The following MAN1C1 variants were observed in gnomAD, a reference collection of about 807,000 sequenced individuals.
MAN1C1 encodes the protein mannosidase alpha class 1C member 1.
A neutral mutation model predicts 71.5 loss-of-function variants in MAN1C1; 49 were observed. That is an observed-to-expected ratio of 0.69 (90% CI 0.54 to 0.87). The LOEUF is 0.87. MAN1C1 is among the 40% of genes least tolerant of loss of function. MAN1C1 has a pLI of 0.00. For synonymous variants in MAN1C1, 352 were observed against 343.7 expected (o/e 1.02, Z -0.27); for missense variants, 743 against 835.0 (o/e 0.89, Z 1.36).
intron 2 of MAN1C1, among the ~76,000 whole-genome samples, chr1:25,734,622 A>G (rs570276620): frequency 4.7e-4 from 71 of 152,246 alleles, no homozygotes; most frequent in African/African-American, 1.5e-3. Flanking sequence ...GGCTCCCAGC[A>G]CCTCACACCA....
intron 1 of MAN1C1, 125 bp downstream of exon 1, chr1:25,618,462 C>A: frequency 1.1e-6 from 1 of 908,842 alleles, no homozygotes; most frequent in Non-Finnish European, 1.6e-6. Flanking sequence ...TCTGGCCCTG[C>A]AGACTGCACT....
At chr1:25,662,746 A>C (rs1443995414) in intron 1 of MAN1C1, among the ~76,000 whole-genome samples, 1 of 152,192 alleles carries the variant, frequency 6.6e-6, no homozygotes, top group Non-Finnish European at 1.5e-5. Context: ...CCTGGCCAAC[A>C]CAGTAAGATC....
chr1:25,744,103 C>T (rs986698260), intron 2 of MAN1C1, among the ~76,000 whole-genome samples: 4 of 152,138 alleles, frequency 2.6e-5, no homozygotes, highest in East Asian at 1.9e-4. Context: ...GCCCTTCAAA[C>T]GTCTGGTTTG....
intron 1 of MAN1C1, chr1:25,644,683 C>T (rs952637232): frequency 6.6e-6 from 1 of 151,386 alleles, no homozygotes; most frequent in Non-Finnish European, 1.5e-5. Context: ...CAACACCCAG[C>T]TAATTGTTTT....
At chr1:25,670,256 G>A (rs1288927321) in intron 1 of MAN1C1, among the ~76,000 whole-genome samples, 1 of 152,226 alleles carries the variant, frequency 6.6e-6, no homozygotes, top group Admixed American at 6.5e-5. Flanking sequence ...ATTTCAAATA[G>A]TATCACCTCC....
intron 5 of MAN1C1, among the ~76,000 whole-genome samples, chr1:25,755,721 A>G (rs2124359582): frequency 6.6e-6 from 1 of 152,256 alleles, no homozygotes; most frequent in East Asian, 1.9e-4. Context: ...AGGTCTGTCT[A>G]CCTCCAAAGT....
At position 25,769,388 on chromosome 1, in the gene MAN1C1, C is replaced by CAT. The variant is rs890343265; in HGVS notation, c.1142-2267_1142-2266dup. ...ACACTCACCCCACACCCCATACATA[C>CAT]ATACACACACACACACACACAAGCT... On this transcript the variant is annotated intron_variant, in intron 7 of 11. Transcript: ENST00000374332. This position sits in a 1 kb window ranked among gnomAD's most constrained non-coding sequence, Gnocchi z 4.8. Among the ~76,000 whole-genome samples, 2 of 135,450 alleles carry CAT rather than the reference C, an allele frequency of 1.5e-5. No homozygotes were observed. Among genetic ancestry groups the CAT allele is most frequent in the African/African-American group, 6.3e-5 (2 of 31,586 alleles). 88.9% of individuals were successfully genotyped at this position (135,450 alleles called of 152,430 possible).
intron 1 of MAN1C1, among the ~76,000 whole-genome samples, chr1:25,623,602 T>A (rs1342919769): frequency 2.0e-5 from 3 of 152,218 alleles, no homozygotes; most frequent in African/African-American, 7.2e-5. Context: ...TCAGGCATAC[T>A]TTGCTCAAAG....
intron 4 of MAN1C1, among the ~76,000 whole-genome samples, chr1:25,752,145 G>T (rs961658499): frequency 6.6e-6 from 1 of 152,072 alleles, no homozygotes; most frequent in African/African-American, 2.4e-5. Context: ...TATAACCACA[G>T]CTGCACACGT....
At chr1:25,659,692 G>A (rs2045819469) in intron 1 of MAN1C1, among the ~76,000 whole-genome samples, 1 of 152,160 alleles carries the variant, frequency 6.6e-6, no homozygotes, top group South Asian at 2.1e-4. Context: ...AGCAAGGCTT[G>A]GTCTGCCTGT....
chr1:25,703,080 T>G (rs1045714461), intron 2 of MAN1C1, among the ~76,000 whole-genome samples: 1 of 152,188 alleles, frequency 6.6e-6, no homozygotes, highest in African/African-American at 2.4e-5. Context: ...GGGATCTGCA[T>G]TAAAAATAGC....
Position 25,769,840 on chromosome 1 carries a change from C to T in MAN1C1, c.1142-1817C>T, listed in dbSNP as rs2047523077. Among the ~76,000 whole-genome samples the T allele has an allele frequency of 6.6e-6, 1 of 152,220 alleles. No individual in the cohort carries two copies. Among genetic ancestry groups the T allele is most frequent in the Non-Finnish European group, 1.5e-5 (1 of 68,030 alleles). ...ACCCGATGGCAAGGGGGGCCCACCA[C>T]CCAAGGGGAGTGCTGCCGCCGAGGG... is the stretch of plus-strand genomic sequence containing the variant. On this transcript the variant is annotated intron_variant, in intron 7 of 11. Coordinates refer to ENST00000374332, the MANE Select transcript of MAN1C1 (RefSeq NM_020379.4). The surrounding 1 kb of genome is among the most constrained non-coding windows in gnomAD (Gnocchi z 4.8).
chr1:25,774,356 C>A (rs979529457), intron 8 of MAN1C1, among the ~76,000 whole-genome samples: 2 of 152,136 alleles, frequency 1.3e-5, no homozygotes, highest in Non-Finnish European at 1.5e-5. Context: ...CTTATTTAGC[C>A]CCCATCTTAC....
At chr1:25,639,734 G>A (rs2045512594) in intron 1 of MAN1C1, among the ~76,000 whole-genome samples, 1 of 152,154 alleles carries the variant, frequency 6.6e-6, no homozygotes, top group Non-Finnish European at 1.5e-5. Flanking sequence ...GATATTTAAA[G>A]ATTCTTACTT....
chr1:25,745,603 C>T (rs2047117868), intron 2 of MAN1C1, among the ~76,000 whole-genome samples: 2 of 152,324 alleles, frequency 1.3e-5, no homozygotes, highest in East Asian at 1.9e-4. Context: ...ACCTCACCTG[C>T]GTGGATGACT....
rs2046975696 is a variant in MAN1C1, at chr1:25,735,863, C to T, written c.638-10805C>T. ...GTCCTCTAATCCCTGTGGCAAGTCT[C>T]ATGGCCAAACGTAAGATCAAGGGCA... On this transcript the variant is annotated intron_variant, in intron 2 of 11. Coordinates refer to ENST00000374332, the MANE Select transcript of MAN1C1 (RefSeq NM_020379.4). This position sits in a 1 kb window ranked among gnomAD's most constrained non-coding sequence, Gnocchi z 4.6. Among the ~76,000 whole-genome samples the T allele has an allele frequency of 6.6e-6, 1 of 152,230 alleles. No homozygotes were observed. Among genetic ancestry groups the T allele is most frequent in the Non-Finnish European group, 1.5e-5 (1 of 68,050 alleles).
chr1:25,748,553 G>A (rs2047169540), intron 3 of MAN1C1, among the ~76,000 whole-genome samples: 1 of 152,182 alleles, frequency 6.6e-6, no homozygotes, highest in Non-Finnish European at 1.5e-5. Flanking sequence ...AAATGGGGCA[G>A]GGAAAGGCTG....
At chr1:25,667,303 G>A (rs971640965) in intron 1 of MAN1C1, among the ~76,000 whole-genome samples, 17 of 151,800 alleles carry the variant, frequency 1.1e-4, no homozygotes, top group African/African-American at 3.6e-4. Flanking sequence ...GGCCAACATG[G>A]TGAAGCCCGG....
intron 1 of MAN1C1, among the ~76,000 whole-genome samples, chr1:25,623,451 T>G (rs2045246036): frequency 7.5e-6 from 1 of 134,016 alleles, no homozygotes; most frequent in Non-Finnish European, 1.5e-5. Context: ...TAGTTAGTGG[T>G]GGTGGGGGGG....
Sources: gnomAD v4.1 joint callset for allele counts (sites outside exome capture counted in the v4.1 genomes callset) on GRCh38, gnomAD v4.1.1 for gene constraint, Gnocchi (gnomAD v3.1) non-coding constraint, MANE v1.5 for transcripts, NCBI Gene and HGNC (gene_info 2026-07-23, HGNC 2026-07-21) for gene names.